The following ANKFN1 variants were observed in gnomAD, a reference collection of about 807,000 sequenced individuals.
ANKFN1 encodes ankyrin repeat and fibronectin type-III domain-containing protein 1.
ANKFN1 carries 74 observed loss-of-function variants against 108.7 expected under a neutral mutation model. That is an observed-to-expected ratio of 0.68 (90% CI 0.56 to 0.83). The LOEUF (loss-of-function observed/expected upper bound fraction) is 0.83, where lower values mean the gene tolerates loss of function less well. ANKFN1 is among the 40% of genes least tolerant of loss of function. ANKFN1 has a pLI of 0.00. For synonymous variants in ANKFN1, 547 were observed against 516.2 expected (o/e 1.06, Z -0.81); for missense variants, 1,505 against 1,382.3 (o/e 1.09, Z -1.41).
intron 4 of ANKFN1, among the ~76,000 whole-genome samples, chr17:56,141,098 C>G (rs1907891494): frequency 6.6e-6 from 1 of 152,210 alleles, no homozygotes; most frequent in African/African-American, 2.4e-5. Context: ...TGCTTTATTT[C>G]TAAACCTCCC....
chr17:56,510,455 C>CA lies in ANKFN1; in HGVS notation c.2645-17dup. On this transcript the variant is annotated splice_polypyrimidine_tract_variant and intron_variant, in intron 20 of 20. Coordinates refer to ENST00000682825, the MANE Select transcript of ANKFN1 (RefSeq NM_001370326.1). ...GCTAAGACTATATTTTTCCTAACCT[C>CA]AGTTTCTGGCTTCGCAGATTCACAG... The CA allele has an allele frequency of 6.5e-7, 1 of 1,531,872 alleles. No individual in the cohort carries two copies. The highest frequency in any genetic ancestry group is 8.7e-7 in the Non-Finnish European group (1 of 1,145,228). The allele number at this position is 1,531,872 out of a possible 1,614,324, so 94.9% of individuals were successfully genotyped here.
chr17:56,052,299 T>C (rs995917485), intron 4 of ANKFN1, among the ~76,000 whole-genome samples: 1 of 152,168 alleles, frequency 6.6e-6, no homozygotes, highest in Admixed American at 6.5e-5. Flanking sequence ...AGCACTGCTT[T>C]ACAAAACTGG....
At chr17:56,098,261 T>C (rs1905570311) in intron 4 of ANKFN1, among the ~76,000 whole-genome samples, 1 of 152,156 alleles carries the variant, frequency 6.6e-6, no homozygotes, top group Non-Finnish European at 1.5e-5. Context: ...TGAGAATGAA[T>C]TTCCATTGTT....
chr17:56,123,490 G>A (rs1429037458), intron 4 of ANKFN1, among the ~76,000 whole-genome samples: 1 of 152,198 alleles, frequency 6.6e-6, no homozygotes, highest in Non-Finnish European at 1.5e-5. Context: ...GGCAGGTTTA[G>A]AGTTCAGCCT....
chr17:56,239,610 T>C (rs943021169), intron 3 of ANKFN1, among the ~76,000 whole-genome samples: 8 of 152,146 alleles, frequency 5.3e-5, no homozygotes, highest in African/African-American at 1.9e-4. Context: ...ATCACCTACC[T>C]CTGTTGACCA....
At chr17:56,410,157 C>T (rs968011774) in intron 8 of ANKFN1, among the ~76,000 whole-genome samples, 5 of 152,206 alleles carry the variant, frequency 3.3e-5, no homozygotes, top group African/African-American at 4.8e-5. Context: ...GCTATCTCGG[C>T]TCACTGCAAC....
intron 4 of ANKFN1, among the ~76,000 whole-genome samples, chr17:56,103,910 C>T (rs1332913007): frequency 1.3e-5 from 2 of 152,170 alleles, no homozygotes; most frequent in Non-Finnish European, 2.9e-5. Context: ...CACCAGGTAC[C>T]AAGCGGTCAG....
chr17:56,402,070 TG>T (rs1195560609), intron 8 of ANKFN1, among the ~76,000 whole-genome samples: 2 of 152,202 alleles, frequency 1.3e-5, no homozygotes, highest in African/African-American at 4.8e-5. Flanking sequence ...ACTATCTTTT[TG>T]ATATGTCATT....
At chr17:56,170,774 T>TTATA (rs60304505) in intron 1 of ANKFN1, among the ~76,000 whole-genome samples, 1,836 of 67,988 alleles carry the variant, frequency 0.027, 55 homozygotes, top group Non-Finnish European at 0.033. Flanking sequence ...AAAAAATTTT[T>TTATA]TATATATATA....
intron 1 of ANKFN1, among the ~76,000 whole-genome samples, chr17:56,172,272 A>G (rs1345286192): frequency 6.6e-6 from 1 of 152,074 alleles, no homozygotes; most frequent in Non-Finnish European, 1.5e-5. Flanking sequence ...GTGATGCACT[A>G]TTCCTTTTAT....
intron 4 of ANKFN1, among the ~76,000 whole-genome samples, chr17:56,094,149 G>C (rs1335280790): frequency 1.3e-5 from 2 of 151,036 alleles, no homozygotes; most frequent in African/African-American, 4.9e-5. Context: ...CAGGAGAGGG[G>C]CATGGAACAG....
chr17:56,225,817 A>G (rs1351130546), intron 2 of ANKFN1, among the ~76,000 whole-genome samples: 2 of 152,256 alleles, frequency 1.3e-5, no homozygotes, highest in Non-Finnish European at 2.9e-5. Context: ...TGAATTGAAT[A>G]GATACATAAT....
At chr17:56,054,399 G>A (rs983817140) in intron 4 of ANKFN1, among the ~76,000 whole-genome samples, 1 of 152,210 alleles carries the variant, frequency 6.6e-6, no homozygotes, top group African/African-American at 2.4e-5. Context: ...CGTAGAGCTA[G>A]TGAGTCTGAC....
At chr17:56,267,813 G>A (rs569242125) in intron 3 of ANKFN1, among the ~76,000 whole-genome samples, 85 of 152,200 alleles carry the variant, frequency 5.6e-4, no homozygotes, top group South Asian at 4.1e-3. Flanking sequence ...AGTATAATTC[G>A]AAGTCAGGTC....
intron 4 of ANKFN1, among the ~76,000 whole-genome samples, chr17:56,058,140 A>G (rs1169815079): frequency 1.3e-5 from 2 of 152,254 alleles, no homozygotes; most frequent in Non-Finnish European, 2.9e-5. Flanking sequence ...TAAATGAACA[A>G]TGGCTTCAAC....
intron 4 of ANKFN1, among the ~76,000 whole-genome samples, chr17:56,053,859 G>T (rs1904819292): frequency 6.6e-6 from 1 of 152,100 alleles, no homozygotes; most frequent in African/African-American, 2.4e-5. Context: ...GAGGAAAAAA[G>T]GTATTTTTTA....
chr17:56,386,268 C>A (rs994289281), intron 8 of ANKFN1, among the ~76,000 whole-genome samples: 2 of 149,688 alleles, frequency 1.3e-5, no homozygotes, highest in African/African-American at 4.9e-5. Flanking sequence ...GGGAATTGAA[C>A]AATGAGAACA....
intron 6 of ANKFN1, among the ~76,000 whole-genome samples, chr17:56,361,857 G>A (rs1259856381): frequency 6.6e-6 from 1 of 152,102 alleles, no homozygotes; most frequent in African/African-American, 2.4e-5. Flanking sequence ...TGACATGGCA[G>A]TTGGCTTCCC....
At chr17:56,060,911 C>T (rs1904961844) in intron 4 of ANKFN1, among the ~76,000 whole-genome samples, 1 of 152,152 alleles carries the variant, frequency 6.6e-6, no homozygotes, top group Non-Finnish European at 1.5e-5. Context: ...TGTGTCTCCT[C>T]CAGGTTTTGG....
Sources: gnomAD v4.1 joint callset for allele counts (sites outside exome capture counted in the v4.1 genomes callset) on GRCh38, gnomAD v4.1.1 for gene constraint, MANE v1.5 for transcripts, NCBI Gene and HGNC (gene_info 2026-07-23, HGNC 2026-07-21) for gene names.